DCUN1D3: variants seen among roughly 807,000 people sequenced by gnomAD.
DCUN1D3 encodes defective in cullin neddylation 1 domain containing 3.
Under a neutral mutation model 24.8 loss-of-function variants are expected in DCUN1D3, and 6 were observed. The observed-to-expected ratio is 0.24, with a 90% CI of 0.13 to 0.48. The LOEUF is 0.48. DCUN1D3 is among the 20% of genes least tolerant of loss of function. The pLI is 0.99. For missense variants in DCUN1D3, 258 were observed against 379.4 expected (o/e 0.68, Z 2.66); for synonymous variants, 120 against 144.9 (o/e 0.83, Z 1.24).
intron 1 of DCUN1D3, among the ~76,000 whole-genome samples, chr16:20,890,115 C>A (rs756303218): frequency 1.3e-5 from 2 of 152,172 alleles, no homozygotes; most frequent in Non-Finnish European, 2.9e-5. Flanking sequence ...TTCAGCTGTT[C>A]CTGAGTTATA....
Position 20,856,833 on chromosome 16 carries a change from A to G in DCUN1D3, c.*3053T>C, listed in dbSNP as rs1333784713. The G allele has an allele frequency of 6.6e-6, 1 of 152,186 alleles. No individual in the cohort carries two copies. The highest frequency in any genetic ancestry group is 1.5e-5 in the Non-Finnish European group (1 of 68,036). The allele number at this position is 152,186 out of a possible 1,614,324, so 9.4% of individuals were successfully genotyped here. ...AAAGCTGACAAAGCCAGTTGTCAAA[A>G]CTGAGTTATTTCTTATTTCCCAACA... is the stretch of plus-strand genomic sequence containing the variant. On this transcript the variant is annotated 3_prime_UTR_variant, in exon 3 of 3. Coordinates refer to ENST00000324344, the MANE Select transcript of DCUN1D3 (RefSeq NM_173475.4).
At chr16:20,876,871 C>T (rs1014200155) in intron 1 of DCUN1D3, among the ~76,000 whole-genome samples, 1 of 152,202 alleles carries the variant, frequency 6.6e-6, no homozygotes, top group Non-Finnish European at 1.5e-5. Flanking sequence ...AGCACATGTT[C>T]TCACTCATGT....
intron 1 of DCUN1D3, among the ~76,000 whole-genome samples, chr16:20,892,041 C>A (rs1350897572): frequency 6.6e-6 from 1 of 152,194 alleles, no homozygotes; most frequent in East Asian, 1.9e-4. Context: ...AGCTACCCTA[C>A]ACAAGCTCAT....
At chr16:20,883,357 A>G (rs988221915) in intron 1 of DCUN1D3, among the ~76,000 whole-genome samples, 2 of 152,106 alleles carry the variant, frequency 1.3e-5, no homozygotes, top group African/African-American at 4.8e-5. Flanking sequence ...CTAAAAATAC[A>G]AAACATTTAG....
chr16:20,861,903 C>T (rs1292273563), intron 2 of DCUN1D3, among the ~76,000 whole-genome samples: 1 of 152,126 alleles, frequency 6.6e-6, no homozygotes, highest in Non-Finnish European at 1.5e-5. Flanking sequence ...ATATTTTAAA[C>T]CCTTAGAGTC....
At chr16:20,897,741 T>A (rs541140735) in intron 1 of DCUN1D3, among the ~76,000 whole-genome samples, 1 of 152,298 alleles carries the variant, frequency 6.6e-6, no homozygotes, top group East Asian at 1.9e-4. Context: ...GAAAGAGGTG[T>A]GTCCTCAATT....
intron 1 of DCUN1D3, among the ~76,000 whole-genome samples, chr16:20,870,989 C>T (rs1330420261): frequency 1.3e-5 from 2 of 152,192 alleles, no homozygotes; most frequent in Admixed American, 6.5e-5. Context: ...GGGAGCAAGA[C>T]TCTGAATGAC....
At chr16:20,899,594 T>G (rs1239161348) in intron 1 of DCUN1D3, among the ~76,000 whole-genome samples, 2 of 148,830 alleles carry the variant, frequency 1.3e-5, no homozygotes, top group Non-Finnish European at 3.0e-5. Flanking sequence ...AAACCAGGGG[T>G]GTGCATGGGG....
chr16:20,893,964 T>C (rs2081903994), intron 1 of DCUN1D3, among the ~76,000 whole-genome samples: 1 of 152,226 alleles, frequency 6.6e-6, no homozygotes, highest in South Asian at 2.1e-4. Flanking sequence ...GGAAACAATC[T>C]GCTACTAAAA....
At chr16:20,882,095 C>T (rs1468357542) in intron 1 of DCUN1D3, among the ~76,000 whole-genome samples, 1 of 151,406 alleles carries the variant, frequency 6.6e-6, no homozygotes, top group Non-Finnish European at 1.5e-5. Flanking sequence ...GCCACCGTGC[C>T]CGGCCTAGTC....
chr16:20,884,151 G>A (rs2081858074), intron 1 of DCUN1D3, among the ~76,000 whole-genome samples: 1 of 152,134 alleles, frequency 6.6e-6, no homozygotes, highest in Non-Finnish European at 1.5e-5. Context: ...TTTTAAATGT[G>A]TGGTCTCGAA....
chr16:20,874,840 T>G (rs1053028208), intron 1 of DCUN1D3, among the ~76,000 whole-genome samples: 1 of 152,168 alleles, frequency 6.6e-6, no homozygotes, highest in African/African-American at 2.4e-5. Context: ...TTTAAGTTAC[T>G]TATTTTCACA....
intron 1 of DCUN1D3, among the ~76,000 whole-genome samples, chr16:20,871,663 C>G (rs2081788823): frequency 6.6e-6 from 1 of 152,282 alleles, no homozygotes; most frequent in African/African-American, 2.4e-5. Flanking sequence ...TTCCAAATAC[C>G]AAATAATGAA....
At chr16:20,882,918 T>C (rs1335392742) in intron 1 of DCUN1D3, among the ~76,000 whole-genome samples, 2 of 152,208 alleles carry the variant, frequency 1.3e-5, no homozygotes, top group Non-Finnish European at 2.9e-5. Flanking sequence ...CTTTTGCTTA[T>C]AGATTTCTAA....
At chr16:20,897,893 A>G (rs930494814) in intron 1 of DCUN1D3, among the ~76,000 whole-genome samples, 4 of 152,174 alleles carry the variant, frequency 2.6e-5, no homozygotes, top group Non-Finnish European at 5.9e-5. Flanking sequence ...ACAGTAAGTG[A>G]TAAGACCCTA....
chr16:20,881,687 A>G (rs1489993308), intron 1 of DCUN1D3, among the ~76,000 whole-genome samples: 1 of 152,194 alleles, frequency 6.6e-6, no homozygotes, highest in Non-Finnish European at 1.5e-5. Context: ...GGATGAGGAA[A>G]TAAGCTCAGA....
At chr16:20,862,900 G>A (rs575984200) in intron 1 of DCUN1D3, among the ~76,000 whole-genome samples, 8 of 152,258 alleles carry the variant, frequency 5.3e-5, no homozygotes, top group Non-Finnish European at 8.8e-5. Context: ...CAAAGAGGCC[G>A]ATTCATATGT....
rs1306943063 is a variant in DCUN1D3, at chr16:20,859,144, G to A, written c.*742C>T. On this transcript the variant is annotated 3_prime_UTR_variant, in exon 3 of 3. Transcript: ENST00000324344. ...TAAAAAATGCTCACTTGACTGACAG[G>A]TGCAGCATGTTGATGGAAAAACTCA... 1 of 152,616 alleles carries A rather than the reference G, an allele frequency of 6.6e-6. No homozygotes were observed. The highest frequency in any genetic ancestry group is 6.5e-5 in the Admixed American group (1 of 15,280). The allele number at this position is 152,616 out of a possible 1,614,324, so 9.5% of individuals were successfully genotyped here. A position where few individuals can be genotyped will look rare whatever the true frequency, so the allele number is the denominator to read the frequency against.
At chr16:20,899,401 G>A (rs1181529023) in intron 1 of DCUN1D3, among the ~76,000 whole-genome samples, 1 of 152,214 alleles carries the variant, frequency 6.6e-6, no homozygotes, top group East Asian at 1.9e-4. Context: ...TATAATCGGA[G>A]CGTAAGAGGT....
Sources: allele counts gnomAD v4.1 joint callset (sites outside exome capture counted in the v4.1 genomes callset), GRCh38; gene constraint gnomAD v4.1.1; transcripts MANE v1.5; gene names NCBI Gene and HGNC (gene_info 2026-07-23, HGNC 2026-07-21).